COL11A1: variants seen among roughly 807,000 people sequenced by gnomAD.
The protein encoded by COL11A1 is collagen alpha-1(XI) chain.
A neutral mutation model predicts 265.2 loss-of-function variants in COL11A1; 74 were observed. That is an observed-to-expected ratio of 0.28 (90% CI 0.23 to 0.34). The LOEUF is 0.34. Ranked by LOEUF, COL11A1 falls within the 10% of genes least tolerant of loss-of-function variation. COL11A1 has a pLI of 1.00. For missense variants in COL11A1, 2,165 were observed against 2,263.6 expected, an observed-to-expected ratio of 0.96 and a Z score of 0.88; for synonymous variants, 816 against 727.6, an observed-to-expected ratio of 1.12 and a Z score of -1.96.
intron 62 of COL11A1, among the ~76,000 whole-genome samples, 154 bp from the exon 63 acceptor site, chr1:102,887,210 A>G (rs1651102870): frequency 6.6e-6 from 1 of 152,160 alleles, no homozygotes; most frequent in Non-Finnish European, 1.5e-5. Context: ...GTTTATAAAT[A>G]TATAAACGTC....
rs773479103 is a variant in COL11A1, at chr1:103,002,788, T to C, written c.2002A>G (p.Met668Val). The change falls in exon 22 of 67, where the codon ATG (methionine) becomes GTG (valine). Residue 668 changes from methionine to valine, a missense_variant. By Grantham distance (21) the Met-to-Val change is conservative. Coordinates refer to ENST00000370096, the MANE Select transcript of COL11A1 (RefSeq NM_001854.4). The stretch of plus-strand genomic sequence containing the variant: ...CCTGGGGGGCCATCTACACCTGCCA[T>C]ACCCTGCAATGAAGAAAAAGTATTT... ...GTPGAPGQPG[M>V]AGVDGPPGPK... The C allele has an allele frequency of 4.3e-6, 7 of 1,612,902 alleles. No homozygotes were observed. Among genetic ancestry groups the C allele is most frequent in the South Asian group, 1.1e-5 (1 of 91,058 alleles).
intron 8 of COL11A1, among the ~76,000 whole-genome samples, chr1:103,022,175 G>T (rs1667148432): frequency 6.6e-6 from 1 of 151,764 alleles, no homozygotes; most frequent in Non-Finnish European, 1.5e-5. Flanking sequence ...TTTTTAAAAA[G>T]ATAATTTAGT....
intron 1 of COL11A1, among the ~76,000 whole-genome samples, chr1:103,104,698 G>T (rs1428449429): frequency 1.3e-5 from 2 of 152,118 alleles, no homozygotes; most frequent in African/African-American, 4.8e-5. Flanking sequence ...GCAGAAAGGT[G>T]TTTCTCTTTA....
chr1:103,096,833 C>T (rs1055522234), intron 1 of COL11A1, among the ~76,000 whole-genome samples: 3 of 151,922 alleles, frequency 2.0e-5, no homozygotes, highest in Non-Finnish European at 4.4e-5. Context: ...GTTCTAAAAG[C>T]TGATATACTT....
chr1:102,894,678 A>C (rs1179952789), intron 57 of COL11A1, among the ~76,000 whole-genome samples: 1 of 151,964 alleles, frequency 6.6e-6, no homozygotes, highest in Non-Finnish European at 1.5e-5. Flanking sequence ...TATTATACCG[A>C]CTCTAGCAGA....
chr1:103,015,040 AT>A (rs1247385729), intron 12 of COL11A1, among the ~76,000 whole-genome samples: 2 of 151,994 alleles, frequency 1.3e-5, no homozygotes, highest in Non-Finnish European at 2.9e-5. Context: ...TGATTTATTT[AT>A]TTTGTTCACC....
At chr1:103,004,935 T>A (rs991669460) in intron 18 of COL11A1, among the ~76,000 whole-genome samples, 1 of 152,072 alleles carries the variant, frequency 6.6e-6, no homozygotes, top group Non-Finnish European at 1.5e-5. Context: ...TAAATCGTTT[T>A]CAGACATTTA....
In COL11A1 at chr1:103,049,871, C is replaced by G. The variant is rs555057994; in HGVS notation, c.652-18627G>C. Among the ~76,000 whole-genome samples the G allele has an allele frequency of 3.9e-5, 6 of 152,298 alleles. No homozygotes were observed. The South Asian group carries it at 1.2e-3, about 32-fold the overall frequency. On this transcript the variant is annotated intron_variant, in intron 4 of 66. Transcript: ENST00000370096. The stretch of plus-strand genomic sequence containing the variant: ...CCTTCACTTATGAAGCTTTGATTCG[C>G]TGGAAATGAAATCCTGGGCTGAAAA...
At chr1:103,002,706 A>C in intron 22 of COL11A1, 41 bp downstream of exon 22, 7 of 1,558,504 alleles carry the variant, frequency 4.5e-6, no homozygotes, top group Non-Finnish European at 6.2e-6. Context: ...CTTAGGGCTT[A>C]TATTCAAATA....
chr1:102,974,795 A>G (rs1162274845), intron 36 of COL11A1, 35 bp downstream of exon 36: 3 of 1,548,566 alleles, frequency 1.9e-6, no homozygotes, highest in Admixed American at 1.7e-5. Context: ...AAAAATATCA[A>G]ATGAAGAAAG....
At chr1:103,024,820 T>C (rs1374362190) in intron 7 of COL11A1, among the ~76,000 whole-genome samples, 1 of 152,176 alleles carries the variant, frequency 6.6e-6, no homozygotes, top group Non-Finnish European at 1.5e-5. Context: ...ACATTTCTTA[T>C]ATTCATTTCC....
chr1:102,952,602 GAGA>G (rs1659996581), intron 41 of COL11A1, among the ~76,000 whole-genome samples: 1 of 152,132 alleles, frequency 6.6e-6, no homozygotes, highest in Non-Finnish European at 1.5e-5. Flanking sequence ...ATGAAAACAA[GAGA>G]AGACTTTTGG....
chr1:102,968,548 T>G (rs1221485252), intron 37 of COL11A1, among the ~76,000 whole-genome samples: 1 of 152,156 alleles, frequency 6.6e-6, no homozygotes, highest in Non-Finnish European at 1.5e-5. Flanking sequence ...ATTCAAAAAT[T>G]TATCCATTTA....
intron 4 of COL11A1, among the ~76,000 whole-genome samples, chr1:103,047,726 T>C (rs2102101097): frequency 6.8e-6 from 1 of 147,138 alleles, no homozygotes; most frequent in Middle Eastern, 3.5e-3. Context: ...TTCAGTATGA[T>C]ATTGGCTGTG....
intron 57 of COL11A1, among the ~76,000 whole-genome samples, chr1:102,896,102 C>A (rs898524084): frequency 6.6e-6 from 1 of 151,712 alleles, no homozygotes. Flanking sequence ...AACTTAAGAA[C>A]CCCATGGGGT....
intron 28 of COL11A1, among the ~76,000 whole-genome samples, chr1:102,995,241 C>A (rs959672381): frequency 5.9e-5 from 9 of 152,036 alleles, no homozygotes; most frequent in African/African-American, 2.2e-4. Context: ...TGAAAAAAAT[C>A]TGAATGTCAT....
chr1:103,090,413 A>G (rs1673226545), intron 1 of COL11A1, among the ~76,000 whole-genome samples: 1 of 152,270 alleles, frequency 6.6e-6, no homozygotes, highest in Admixed American at 6.5e-5. Context: ...TAGAAAATTG[A>G]TTATTTCTTA....
intron 65 of COL11A1, among the ~76,000 whole-genome samples, chr1:102,880,240 C>G (rs1051234612): frequency 4.6e-5 from 7 of 151,864 alleles, no homozygotes; most frequent in Admixed American, 1.3e-4. Flanking sequence ...ATTTCTGTAT[C>G]TTTTTGAAAA....
rs760878512 is a variant in COL11A1 at position 103,002,791 on chromosome 1, C to T, written c.1999G>A (p.Gly667Ser). ...GGGGGGCCATCTACACCTGCCATAC[C>T]CTGCAATGAAGAAAAAGTATTTATG... ...RGTPGAPGQPGMAGVDGPPGP... is the reference protein window; with the variant it reads ...RGTPGAPGQPSMAGVDGPPGP... The change falls in exon 22 of 67, where the codon GGT (glycine) becomes AGT (serine). Residue 667 changes from glycine (G) to serine (S), a missense_variant and splice_region_variant. By Grantham distance (56) the Gly-to-Ser change is moderately conservative. Coordinates refer to ENST00000370096, the MANE Select transcript of COL11A1 (RefSeq NM_001854.4). The T allele has an allele frequency of 4.3e-6, 7 of 1,612,878 alleles. No individual in the cohort carries two copies. In the South Asian group the frequency reaches 4.4e-5, roughly 10 times the overall value.
Sources: gnomAD v4.1 joint callset for allele counts (sites outside exome capture counted in the v4.1 genomes callset) on GRCh38, gnomAD v4.1.1 for gene constraint, MANE v1.5 for transcripts, NCBI Gene and HGNC (gene_info 2026-07-23, HGNC 2026-07-21) for gene names.